Variants in CAMK4 observed in about 807,000 individuals in gnomAD.
CAMK4 encodes calcium/calmodulin dependent protein kinase IV.
Under a neutral mutation model 44.9 loss-of-function variants are expected in CAMK4, and 22 were observed. The observed-to-expected ratio is 0.49, with a 90% CI of 0.35 to 0.70. The LOEUF (loss-of-function observed/expected upper bound fraction) is 0.70. CAMK4 is among the 30% of genes least tolerant of loss of function. The pLI is 0.01. For synonymous variants in CAMK4, 218 were observed against 215.4 expected (o/e 1.01, Z -0.11); for missense variants, 498 against 586.8 (o/e 0.85, Z 1.56).
chr5:111,478,629 G>A, intron 9 of CAMK4, 122 bp downstream of exon 9: 1 of 467,232 alleles, frequency 2.1e-6, no homozygotes, highest in East Asian at 3.5e-5. Context: ...CAATTTTAAA[G>A]TATTTTAATA....
chr5:111,412,802 C>G (rs1752675993), intron 5 of CAMK4, among the ~76,000 whole-genome samples: 1 of 152,172 alleles, frequency 6.6e-6, no homozygotes. Context: ...CATGGCTACA[C>G]CCAGAAGTTA....
At chr5:111,292,737 C>T (rs1171696394) in intron 1 of CAMK4, among the ~76,000 whole-genome samples, 4 of 151,774 alleles carry the variant, frequency 2.6e-5, no homozygotes, top group Admixed American at 6.6e-5. Flanking sequence ...GCCTGGGCAA[C>T]ATAGTTACAC....
chr5:111,297,583 A>T (rs1747540036), intron 1 of CAMK4, among the ~76,000 whole-genome samples: 1 of 152,210 alleles, frequency 6.6e-6, no homozygotes, highest in Non-Finnish European at 1.5e-5. Context: ...TAAATATTTC[A>T]TCAAAATATT....
intron 1 of CAMK4, among the ~76,000 whole-genome samples, chr5:111,242,441 G>T (rs762136898): frequency 6.6e-6 from 1 of 151,958 alleles, no homozygotes; most frequent in Admixed American, 6.6e-5. Flanking sequence ...CTTTAAATCC[G>T]TTCCCTCCTC....
intron 5 of CAMK4, among the ~76,000 whole-genome samples, chr5:111,437,390 T>C (rs1286534033): frequency 1.3e-5 from 2 of 152,232 alleles, no homozygotes; most frequent in African/African-American, 2.4e-5. Flanking sequence ...TTGAGTTATT[T>C]ATTAATCATT....
At chr5:111,242,453 G>A (rs938159169) in intron 1 of CAMK4, among the ~76,000 whole-genome samples, 1 of 152,010 alleles carries the variant, frequency 6.6e-6, no homozygotes, top group East Asian at 1.9e-4. Flanking sequence ...TCCCTCCTCT[G>A]TGTGGCCACT....
intron 2 of CAMK4, among the ~76,000 whole-genome samples, chr5:111,361,348 A>C (rs1018762350): frequency 6.6e-6 from 1 of 152,090 alleles, no homozygotes; most frequent in Non-Finnish European, 1.5e-5. Context: ...GAGTGTATAT[A>C]ATATTGTGCC....
At chr5:111,323,295 T>A (rs1316629278) in intron 1 of CAMK4, among the ~76,000 whole-genome samples, 1 of 152,104 alleles carries the variant, frequency 6.6e-6, no homozygotes, top group Non-Finnish European at 1.5e-5. Context: ...CGATTTTTTT[T>A]ACTTTATGAT....
chr5:111,477,679 A>G (rs1755295600), intron 8 of CAMK4, among the ~76,000 whole-genome samples: 1 of 152,204 alleles, frequency 6.6e-6, no homozygotes, highest in South Asian at 2.1e-4. Context: ...ATAGTAGAAA[A>G]TGATACAAAG....
chr5:111,360,833 A>G (rs1750562355), intron 2 of CAMK4, among the ~76,000 whole-genome samples: 1 of 152,106 alleles, frequency 6.6e-6, no homozygotes, highest in Non-Finnish European at 1.5e-5. Context: ...TTCTACATCT[A>G]GAAAGAATAT....
chr5:111,391,273 A>G (rs1485122856), intron 4 of CAMK4, among the ~76,000 whole-genome samples: 4 of 152,146 alleles, frequency 2.6e-5, no homozygotes. Flanking sequence ...ATATTTTTGA[A>G]CGCTTCATGA....
In CAMK4 at chr5:111,273,854, G is replaced by C. The variant is rs60450597; in HGVS notation, c.161+49210G>C. ...TGTGTGTCTTTTTAATATAAAAGGT[G>C]TTAACAGCTATGTATTGTTCTGCAA... is the stretch of plus-strand genomic sequence containing the variant. On this transcript the variant is annotated intron_variant, in intron 1 of 10. Transcript: ENST00000282356. 8.4e-3 allele frequency among the ~76,000 whole-genome samples: 1,271 copies of C among 151,320 alleles called. 16 individuals are homozygous for C. The highest frequency in any genetic ancestry group is 0.03 in the African/African-American group (1,219 of 41,280).
At chr5:111,326,055 T>A (rs1748874845) in intron 1 of CAMK4, among the ~76,000 whole-genome samples, 1 of 151,830 alleles carries the variant, frequency 6.6e-6, no homozygotes. Context: ...TAAATAAATA[T>A]AAAAGAAGAG....
intron 1 of CAMK4, among the ~76,000 whole-genome samples, chr5:111,225,070 T>G (rs1208860853): frequency 6.6e-6 from 1 of 152,196 alleles, no homozygotes; most frequent in Non-Finnish European, 1.5e-5. Context: ...AGATTCCTCC[T>G]CCTTCCCCTC....
chr5:111,436,930 AT>A (rs1753666853), intron 5 of CAMK4, among the ~76,000 whole-genome samples: 1 of 152,250 alleles, frequency 6.6e-6, no homozygotes, highest in African/African-American at 2.4e-5. Flanking sequence ...TAATTCAGCT[AT>A]AACTACCAAC....
chr5:111,248,184 G>C lies in CAMK4; in HGVS notation c.161+23540G>C, dbSNP rs937111391. Among the ~76,000 whole-genome samples the C allele has an allele frequency of 7.9e-5, 12 of 152,084 alleles. 1 individual carries two copies. The highest frequency in any genetic ancestry group is 1.3e-4 in the Non-Finnish European group (9 of 68,006). On this transcript the variant is annotated intron_variant, in intron 1 of 10. Coordinates refer to ENST00000282356, the MANE Select transcript of CAMK4 (RefSeq NM_001744.6). ...TTCTGTTAAACTGTAAGCTCCTTTG[G>C]AATCATATCTTCTGTCTTCTTCACA...
chr5:111,373,968 C>T (rs777795194), intron 2 of CAMK4, among the ~76,000 whole-genome samples: 2 of 152,052 alleles, frequency 1.3e-5, no homozygotes, highest in Non-Finnish European at 2.9e-5. Context: ...GAGAGAATAT[C>T]CCTAATTTTG....
chr5:111,308,486 T>C (rs1748040464), intron 1 of CAMK4, among the ~76,000 whole-genome samples: 1 of 152,214 alleles, frequency 6.6e-6, no homozygotes, highest in Non-Finnish European at 1.5e-5. Flanking sequence ...CTGTAGTTAT[T>C]ACTTTTCATT....
At chr5:111,231,276 G>T (rs1182665133) in intron 1 of CAMK4, among the ~76,000 whole-genome samples, 1 of 152,174 alleles carries the variant, frequency 6.6e-6, no homozygotes, top group East Asian at 1.9e-4. Context: ...AAAGGGTAAT[G>T]CAAGTAGACC....
Sources: gnomAD v4.1 joint callset for allele counts (sites outside exome capture counted in the v4.1 genomes callset) on GRCh38, gnomAD v4.1.1 for gene constraint, MANE v1.5 for transcripts, NCBI Gene and HGNC (gene_info 2026-07-23, HGNC 2026-07-21) for gene names.